The following AK8 variants were observed in gnomAD, a reference collection of about 807,000 sequenced individuals.
The protein encoded by AK8 is adenylate kinase 8.
Under a neutral mutation model 54.6 loss-of-function variants are expected in AK8, and 44 were observed. The ratio of observed to expected loss-of-function variants is 0.81; its 90% CI spans 0.63 to 1.04. The LOEUF (loss-of-function observed/expected upper bound fraction) is 1.04, where lower values mean the gene tolerates loss of function less well. AK8 is among the 50% of genes least tolerant of loss of function. The pLI is 0.00. For synonymous variants in AK8, 239 were observed against 245.6 expected (o/e 0.97, Z 0.25); for missense variants, 555 against 613.6 (o/e 0.90, Z 1.01).
chr9:132,856,275 C>A (rs753461567), intron 4 of AK8, among the ~76,000 whole-genome samples: 10 of 152,192 alleles, frequency 6.6e-5, no homozygotes, highest in Non-Finnish European at 1.0e-4. Flanking sequence ...AGCAGAGACT[C>A]GGACTTGGCA....
intron 2 of AK8, among the ~76,000 whole-genome samples, chr9:132,873,316 G>A (rs1843937956): frequency 1.3e-5 from 2 of 152,162 alleles, no homozygotes; most frequent in Admixed American, 1.3e-4. Flanking sequence ...GCTTCTATCT[G>A]GGTTAACCAA....
Position 132,770,508 on chromosome 9 carries a change from G to A in AK8, c.1121+22126C>T, listed in dbSNP as rs1183148470. On this transcript the variant is annotated intron_variant, in intron 11 of 12. Coordinates refer to ENST00000298545, the MANE Select transcript of AK8 (RefSeq NM_152572.3). This position sits in a 1 kb window ranked among gnomAD's most constrained non-coding sequence, Gnocchi z 4.3. ...GTGGAGGAGCGGGCTGGGAGCGCGG[G>A]GGATGCCCCTCGCCCTGCACGCGCG... 2.0e-5 allele frequency among the ~76,000 whole-genome samples: 3 copies of A among 152,298 alleles called. No individual in the cohort carries two copies. The East Asian group carries it at 5.8e-4, about 30-fold the overall frequency.
intron 11 of AK8, among the ~76,000 whole-genome samples, chr9:132,748,330 A>G (rs966538379): frequency 1.3e-5 from 2 of 151,824 alleles, no homozygotes; most frequent in Admixed American, 1.3e-4. Context: ...TCACTGTGGA[A>G]TCAGAACTTC....
At chr9:132,812,571 A>ACTGGGATGACG in intron 10 of AK8, among the ~76,000 whole-genome samples, 1 of 2,672 alleles carries the variant, frequency 3.7e-4, no homozygotes, top group African/African-American at 2.0e-3. Context: ...CCCGGCCGCT[A>ACTGGGATGACG]GGTGGATTTG....
At chr9:132,818,802 T>A (rs745803807) in intron 9 of AK8, among the ~76,000 whole-genome samples, 2 of 151,714 alleles carry the variant, frequency 1.3e-5, no homozygotes, top group African/African-American at 2.4e-5. Flanking sequence ...GAGCTATGAT[T>A]GCACCACTGT....
chr9:132,769,916 G>A (rs184233714), intron 11 of AK8: 17 of 152,162 alleles, frequency 1.1e-4, no homozygotes, highest in African/African-American at 4.1e-4. Context: ...TTATAGCCAC[G>A]AATGTTAATC....
intron 11 of AK8, among the ~76,000 whole-genome samples, chr9:132,760,979 A>G (rs1241483100): frequency 6.6e-6 from 1 of 152,150 alleles, no homozygotes; most frequent in Admixed American, 6.5e-5. Flanking sequence ...TACGAATAAC[A>G]TTGGCCTGTA....
chr9:132,768,416 C>T (rs530095810), intron 11 of AK8, among the ~76,000 whole-genome samples: 23 of 152,122 alleles, frequency 1.5e-4, no homozygotes, highest in Admixed American at 2.0e-4. Context: ...TACAGGCATG[C>T]GCCACCATGC....
At chr9:132,851,236 G>T (rs1842960610) in intron 5 of AK8, among the ~76,000 whole-genome samples, 1 of 152,226 alleles carries the variant, frequency 6.6e-6, no homozygotes, top group South Asian at 2.1e-4. Context: ...CAGTCCTGCG[G>T]TGACTGTGGT....
At chr9:132,849,444 T>C (rs896673666) in intron 5 of AK8, among the ~76,000 whole-genome samples, 25 of 152,136 alleles carry the variant, frequency 1.6e-4, no homozygotes, top group Non-Finnish European at 2.9e-5. Flanking sequence ...AGAAGCCATA[T>C]AGCCTGCAAA....
intron 2 of AK8, among the ~76,000 whole-genome samples, chr9:132,871,278 G>C (rs914724503): frequency 3.3e-5 from 5 of 151,932 alleles, no homozygotes; most frequent in African/African-American, 1.2e-4. Flanking sequence ...AACAGAAAAA[G>C]AAAAGAAAAG....
intron 9 of AK8, among the ~76,000 whole-genome samples, chr9:132,816,276 C>T (rs1033917887): frequency 6.6e-6 from 1 of 151,844 alleles, no homozygotes; most frequent in Admixed American, 6.5e-5. Flanking sequence ...ATTGCTTGAG[C>T]CCAGGAGGCG....
At chr9:132,872,978 A>AT (rs1057148181) in intron 2 of AK8, among the ~76,000 whole-genome samples, 31 of 150,274 alleles carry the variant, frequency 2.1e-4, no homozygotes, top group East Asian at 7.8e-4. Context: ...CGCCCAGCTA[A>AT]TTTTTTTTTT....
chr9:132,770,969 G>C lies in AK8; in HGVS notation c.1121+21665C>G, dbSNP rs2131088761. Among the ~76,000 whole-genome samples, 1 of 152,318 alleles carries C rather than the reference G, an allele frequency of 6.6e-6. No homozygotes were observed. Among genetic ancestry groups the C allele is most frequent in the South Asian group, 2.1e-4 (1 of 4,830 alleles). ...CAAACGCAGCACAGGAGATGGGAGG[G>C]TCTGGCTGAGCAGGGGGCCTCAGGA... On this transcript the variant is annotated intron_variant, in intron 11 of 12. Transcript: ENST00000298545. The surrounding 1 kb of genome is among the most constrained non-coding windows in gnomAD (Gnocchi z 4.3).
intron 2 of AK8, among the ~76,000 whole-genome samples, chr9:132,870,317 T>C (rs1741743728): frequency 6.6e-6 from 1 of 152,228 alleles, no homozygotes; most frequent in African/African-American, 2.4e-5. Context: ...CATGAGTAAT[T>C]ATTTATAAAC....
intron 11 of AK8, among the ~76,000 whole-genome samples, chr9:132,767,997 A>C (rs747582760): frequency 2.6e-5 from 4 of 152,170 alleles, no homozygotes; most frequent in Non-Finnish European, 5.9e-5. Context: ...GGGCAAGAAA[A>C]TACAGTTAGA....
chr9:132,850,613 G>A (rs1469727649), intron 5 of AK8, among the ~76,000 whole-genome samples: 2 of 152,056 alleles, frequency 1.3e-5, no homozygotes, highest in Admixed American at 1.3e-4. Context: ...GGCCAGGCTG[G>A]TCTCGAAATC....
At chr9:132,862,617 T>C (rs556684581) in intron 4 of AK8, among the ~76,000 whole-genome samples, 6 of 152,156 alleles carry the variant, frequency 3.9e-5, no homozygotes, top group African/African-American at 9.6e-5. Flanking sequence ...GCGTGAGTCA[T>C]TGCACCCAGC....
rs562106448 is a variant in AK8, at chr9:132,825,518, G to A, written c.757+1336C>T. Among the ~76,000 whole-genome samples, 13 of 152,258 alleles carry A rather than the reference G, an allele frequency of 8.5e-5. No homozygotes were observed. In the East Asian group the frequency reaches 1.9e-3, roughly 23 times the overall value. On this transcript the variant is annotated intron_variant, in intron 8 of 12. Coordinates refer to ENST00000298545, the MANE Select transcript of AK8 (RefSeq NM_152572.3). ...AGTGTTTGTTACTAATGACCCTTCC[G>A]AGATGCAAAATCACTGGAAAATTAT...
Sources: gnomAD v4.1 joint callset for allele counts (sites outside exome capture counted in the v4.1 genomes callset) on GRCh38, gnomAD v4.1.1 for gene constraint, Gnocchi (gnomAD v3.1) non-coding constraint, MANE v1.5 for transcripts, NCBI Gene and HGNC (gene_info 2026-07-23, HGNC 2026-07-21) for gene names.